The following ABCG1 variants were observed in gnomAD, a reference collection of about 807,000 sequenced individuals.
ABCG1 encodes the protein ATP-binding cassette sub-family G member 1.
In ABCG1, 29 loss-of-function variants were observed where a neutral mutation model predicts 69.2. That is an observed-to-expected ratio of 0.42 (90% CI 0.31 to 0.57). ABCG1 has a LOEUF of 0.57. Among genes scored for constraint, ABCG1 ranks in the 20% least tolerant of loss-of-function variants. The pLI is 0.15. For synonymous variants in ABCG1, 370 were observed against 374.8 expected (o/e 0.99, Z 0.15); for missense variants, 718 against 898.1 (o/e 0.80, Z 2.56).
chr21:42,294,816 C>T, intron 14 of ABCG1, 156 bp downstream of exon 14: 1 of 664,720 alleles, frequency 1.5e-6, no homozygotes, highest in Admixed American at 2.1e-5. Context: ...CCTGCTAGTT[C>T]CACCTCCTCC....
intron 13 of ABCG1, among the ~76,000 whole-genome samples, chr21:42,293,328 A>C (rs1278329759): frequency 1.4e-5 from 2 of 141,716 alleles, no homozygotes; most frequent in African/African-American, 2.7e-5. Context: ...TACACACTAC[A>C]CACCACACTA....
chr21:42,207,095 T>C (rs1397627816), intron 2 of ABCG1: 1 of 152,186 alleles, frequency 6.6e-6, no homozygotes, highest in Non-Finnish European at 1.5e-5. Context: ...GTTTATTCTG[T>C]GTGGAGTTTG....
At position 42,273,044 on chromosome 21, in the gene ABCG1, TA is replaced by T. The variant is rs1456727598; in HGVS notation, c.405-256del. ...GAAAGTGCTGCCGTTACCCTTAGTATAAACACACCATCCCACGGAGGCCTGT... is the reference window on the plus strand; with the variant it reads ...GAAAGTGCTGCCGTTACCCTTAGTATAACACACCATCCCACGGAGGCCTGT... On this transcript the variant is annotated intron_variant, in intron 3 of 14. Coordinates refer to ENST00000398449, the MANE Select transcript of ABCG1 (RefSeq NM_016818.3). This position sits in a 1 kb window ranked among gnomAD's most constrained non-coding sequence, Gnocchi z 5.3. 1.3e-5 allele frequency among the ~76,000 whole-genome samples: 2 copies of T among 152,218 alleles called. No homozygotes were observed. The highest frequency in any genetic ancestry group is 2.4e-5 in the African/African-American group (1 of 41,464).
intron 2 of ABCG1, among the ~76,000 whole-genome samples, chr21:42,265,841 C>T (rs2123707875): frequency 6.6e-6 from 1 of 152,332 alleles, no homozygotes; most frequent in African/African-American, 2.4e-5. Context: ...GTCCTGCCGG[C>T]CCTGGCCTCC....
In ABCG1 at chr21:42,296,236, G is replaced by A. The variant is rs531665338; in HGVS notation, c.1845G>A (p.Glu615=). Residue 615 remains glutamate, a synonymous_variant, in exon 15 of 15, where the codon GAG becomes GAA. Coordinates refer to ENST00000398449, the MANE Select transcript of ABCG1 (RefSeq NM_016818.3). This position sits in a 1 kb window ranked among gnomAD's most constrained non-coding sequence, Gnocchi z 5.4. ...AAGATCTGCACTGTGACATCGACGA[G>A]ACGTGCCACTTCCAGAAGTCGGAGG... ...DREDLHCDID[E]TCHFQKSEAI... 6.2e-7 allele frequency: 1 copy of A among 1,614,172 alleles called. No individual in the cohort carries two copies.
intron 2 of ABCG1, among the ~76,000 whole-genome samples, chr21:42,269,892 C>T (rs1346223802): frequency 6.6e-6 from 1 of 152,208 alleles, no homozygotes; most frequent in Non-Finnish European, 1.5e-5. Flanking sequence ...ATTAGGTCCC[C>T]TGAAACGTGT....
chr21:42,261,558 T>A (rs1222494013), intron 2 of ABCG1, among the ~76,000 whole-genome samples: 2 of 152,192 alleles, frequency 1.3e-5, no homozygotes, highest in African/African-American at 4.8e-5. Flanking sequence ...CTCTCTCCAC[T>A]GAAACCCCGA....
chr21:42,263,411 G>A (rs1299918149), intron 2 of ABCG1, among the ~76,000 whole-genome samples: 1 of 152,196 alleles, frequency 6.6e-6, no homozygotes, highest in African/African-American at 2.4e-5. Context: ...TAGCCCTGAA[G>A]CGACAGGAAG....
intron 2 of ABCG1, among the ~76,000 whole-genome samples, chr21:42,261,625 G>T (rs1473474673): frequency 1.3e-5 from 2 of 152,152 alleles, no homozygotes; most frequent in African/African-American, 2.4e-5. Context: ...GCATTGCCTC[G>T]CTCTGGCTTG....
intron 2 of ABCG1, among the ~76,000 whole-genome samples, chr21:42,262,668 C>T (rs2068433453): frequency 6.6e-6 from 1 of 152,190 alleles, no homozygotes; most frequent in African/African-American, 2.4e-5. Context: ...CTCTGCGGGG[C>T]CTGGCAAAGG....
chr21:42,296,437 A>T lies in ABCG1; in HGVS notation c.*45A>T. 2 of 1,551,510 alleles carry T rather than the reference A, an allele frequency of 1.3e-6. No homozygotes were observed. The highest frequency in any genetic ancestry group is 1.8e-6 in the Non-Finnish European group (2 of 1,134,968). On this transcript the variant is annotated 3_prime_UTR_variant, in exon 15 of 15. Coordinates refer to ENST00000398449, the MANE Select transcript of ABCG1 (RefSeq NM_016818.3). The surrounding 1 kb of genome is among the most constrained non-coding windows in gnomAD (Gnocchi z 5.4). ...ACAGGAAGATTAGACACTGTGGCCG[A>T]GGGCACGTCTAGAATCGAGGAGGCA...
upstream of ABCG1, among the ~76,000 whole-genome samples, chr21:42,215,573 G>A (rs2067630945): frequency 6.6e-6 from 1 of 152,204 alleles, no homozygotes; most frequent in Non-Finnish European, 1.5e-5. Flanking sequence ...CATCACCCTG[G>A]CCTGTTCTGT....
intron 2 of ABCG1, among the ~76,000 whole-genome samples, chr21:42,264,811 G>A (rs2068475065): frequency 6.6e-6 from 1 of 152,148 alleles, no homozygotes; most frequent in Non-Finnish European, 1.5e-5. Flanking sequence ...GCTGTTTGGG[G>A]TGCTGGTTGG....
At position 42,273,349 on chromosome 21, in the gene ABCG1, G is replaced by A. The variant is rs559003978; in HGVS notation, c.451G>A (p.Asp151Asn). Residue 151 changes from aspartate (D) to asparagine (N), a missense_variant, in exon 4 of 15, where the codon GAC becomes AAC. This residue lies in a region of ABCG1 where 514 missense variants were observed against 574.3 expected (regional missense o/e 0.90). Transcript: ENST00000398449. This position sits in a 1 kb window ranked among gnomAD's most constrained non-coding sequence, Gnocchi z 5.3. ...GAVLINGLPR[D>N]LRCFRKVSCY... ...CGTCCTCATCAACGGCCTGCCCCGG[G>A]ACCTGCGCTGCTTCCGGAAGGTGTC... 13 of 1,613,878 alleles carry A rather than the reference G, an allele frequency of 8.1e-6. 1 individual carries two copies. In the East Asian group the frequency reaches 2.0e-4, roughly 25 times the overall value.
chr21:42,217,316 C>A (rs77752530), upstream of ABCG1, among the ~76,000 whole-genome samples: 2,703 of 152,260 alleles, frequency 0.018, 79 homozygotes, highest in African/African-American at 0.061. Flanking sequence ...GAAATTATGT[C>A]ATTGCAGGCA....
rs1234602467 is a variant in ABCG1, at chr21:42,287,060, T to C, written c.974-829T>C. On this transcript the variant is annotated intron_variant, in intron 8 of 14. Coordinates refer to ENST00000398449, the MANE Select transcript of ABCG1 (RefSeq NM_016818.3). This position sits in a 1 kb window ranked among gnomAD's most constrained non-coding sequence, Gnocchi z 6.2. ...GGTAGCTGGCTCTGCCAGAGGGAAG[T>C]GCGGAAAAGGTAAGGGTGTTGGGGA... is the stretch of plus-strand genomic sequence containing the variant. Among the ~76,000 whole-genome samples, 4 of 151,746 alleles carry C rather than the reference T, an allele frequency of 2.6e-5. No individual in the cohort carries two copies. Among genetic ancestry groups the C allele is most frequent in the Admixed American group, 2.6e-4 (4 of 15,262 alleles).
At chr21:42,210,967 TTTTTTTTTTTGAGA>T (rs1344780937) in intron 2 of ABCG1, among the ~76,000 whole-genome samples, 1 of 151,198 alleles carries the variant, frequency 6.6e-6, no homozygotes, top group East Asian at 1.9e-4. Flanking sequence ...TTCTTTTTTT[TTTTTTTTTTTGAGA>T]CCAAGTCTCC....
intron 2 of ABCG1, among the ~76,000 whole-genome samples, chr21:42,268,362 G>GGGTGTGTGT (rs375702317): frequency 6.8e-6 from 1 of 147,604 alleles, no homozygotes. Flanking sequence ...TAGAGGTAGG[G>GGGTGTGTGT]GTGTGTGTGT....
chr21:42,292,632 C>CCA (rs200467239), intron 13 of ABCG1, among the ~76,000 whole-genome samples: 1 of 149,294 alleles, frequency 6.7e-6, no homozygotes, highest in Non-Finnish European at 1.5e-5. Context: ...TACACACATA[C>CCA]CACACTACAC....
Sources: allele counts gnomAD v4.1 joint callset (sites outside exome capture counted in the v4.1 genomes callset), GRCh38; gene constraint gnomAD v4.1.1; regional missense constraint gnomAD v4.1.1; non-coding constraint Gnocchi (gnomAD v3.1); transcripts MANE v1.5; gene names NCBI Gene and HGNC (gene_info 2026-07-23, HGNC 2026-07-21).